STK39: variants seen among roughly 807,000 people sequenced by gnomAD.
STK39 encodes the protein serine/threonine kinase 39.
In STK39, 20 loss-of-function variants were observed where a neutral mutation model predicts 77.8. That is an observed-to-expected ratio of 0.26 (90% CI 0.18 to 0.37). The LOEUF is 0.37. STK39 is among the 10% of genes least tolerant of loss of function. STK39 has a pLI of 1.00. For synonymous variants in STK39, 246 were observed against 234.1 expected, an observed-to-expected ratio of 1.05 and a Z score of -0.47; for missense variants, 479 against 656.5, an observed-to-expected ratio of 0.73 and a Z score of 2.95.
At chr2:167,962,710 TA>T (rs1439220504) in intron 17 of STK39, among the ~76,000 whole-genome samples, 1 of 152,294 alleles carries the variant, frequency 6.6e-6, no homozygotes, top group South Asian at 2.1e-4. Flanking sequence ...AATGTAAATG[TA>T]CCCAGTCATC....
Position 168,063,527 on chromosome 2 carries a change from C to T in STK39, c.1349G>A (p.Cys450Tyr), listed in dbSNP as rs371452650. The change falls in exon 14 of 18, where the codon TGT (cysteine) becomes TAT (tyrosine). Residue 450 changes from cysteine to tyrosine, a missense_variant. Physicochemically the swap from Cys to Tyr is radical, Grantham distance 194. Transcript: ENST00000355999. ...ANEDYREASSCAVNLVLRLRN... is the reference protein window; with the variant it reads ...ANEDYREASSYAVNLVLRLRN... ...TAATCTCAAAACGAGGTTCACGGCACAAGAAGAAGCTTCTCTGTAGTCTTC... is the reference window on the plus strand; with the variant it reads ...TAATCTCAAAACGAGGTTCACGGCATAAGAAGAAGCTTCTCTGTAGTCTTC... 28 of 1,613,104 alleles carry T rather than the reference C, an allele frequency of 1.7e-5. No individual in the cohort carries two copies. In the African/African-American group the frequency reaches 3.5e-4, roughly 20 times the overall value.
intron 14 of STK39, among the ~76,000 whole-genome samples, chr2:168,045,096 T>C (rs1413570631): frequency 6.6e-6 from 1 of 152,104 alleles, no homozygotes; most frequent in East Asian, 1.9e-4. Flanking sequence ...CCCAACATTG[T>C]TCATTTGCAT....
chr2:168,187,617 T>C lies in STK39; in HGVS notation c.209-5527A>G, dbSNP rs953003835. ...TTAAATCTTAGCTAGCGTTGCTCCT[T>C]AGGGAAATCCCCCCAGGTCAACTGG... is the stretch of plus-strand genomic sequence containing the variant. On this transcript the variant is annotated intron_variant, in intron 1 of 17. Coordinates refer to ENST00000355999, the MANE Select transcript of STK39 (RefSeq NM_013233.3). 7.2e-5 allele frequency among the ~76,000 whole-genome samples: 11 copies of C among 152,328 alleles called. No homozygotes were observed. In the East Asian group the frequency reaches 2.1e-3, roughly 29 times the overall value.
At chr2:168,136,170 C>T (rs1232448343) in intron 8 of STK39, among the ~76,000 whole-genome samples, 2 of 151,656 alleles carry the variant, frequency 1.3e-5, no homozygotes, top group Non-Finnish European at 2.9e-5. Flanking sequence ...AGATCGAGAT[C>T]ATCTTGGCCA....
chr2:168,195,912 G>A (rs184044430), intron 1 of STK39, among the ~76,000 whole-genome samples: 1 of 152,268 alleles, frequency 6.6e-6, no homozygotes, highest in African/African-American at 2.4e-5. Flanking sequence ...AGCTACTCAG[G>A]AGGCTGAGGC....
chr2:168,031,755 C>T (rs1220957069), intron 14 of STK39, among the ~76,000 whole-genome samples: 2 of 152,158 alleles, frequency 1.3e-5, no homozygotes, highest in Non-Finnish European at 2.9e-5. Flanking sequence ...GCAGCTTCAT[C>T]GTAGACTTCT....
chr2:168,110,339 C>G (rs1687089013), intron 10 of STK39, among the ~76,000 whole-genome samples: 1 of 152,108 alleles, frequency 6.6e-6, no homozygotes, highest in Non-Finnish European at 1.5e-5. Context: ...CTCAAGCAAT[C>G]CTCCTTCCTC....
chr2:168,003,387 T>C (rs1684049444), intron 16 of STK39, among the ~76,000 whole-genome samples: 1 of 152,246 alleles, frequency 6.6e-6, no homozygotes, highest in African/African-American at 2.4e-5. Context: ...CAGCCTATCA[T>C]TTGTGAATAT....
At chr2:168,102,377 T>G (rs1215466521) in intron 10 of STK39, among the ~76,000 whole-genome samples, 1 of 152,148 alleles carries the variant, frequency 6.6e-6, no homozygotes. Flanking sequence ...CTGTTGTGAT[T>G]TTCATTTGCA....
intron 1 of STK39, among the ~76,000 whole-genome samples, chr2:168,235,995 G>T (rs2105270519): frequency 6.6e-6 from 1 of 152,036 alleles, no homozygotes; most frequent in East Asian, 1.9e-4. Flanking sequence ...GGGTCAAATG[G>T]TATTTCTAGT....
At chr2:168,234,636 G>T (rs1690549507) in intron 1 of STK39, among the ~76,000 whole-genome samples, 1 of 152,022 alleles carries the variant, frequency 6.6e-6, no homozygotes, top group South Asian at 2.1e-4. Flanking sequence ...TATAACCAAA[G>T]ATTAAAAACA....
Position 168,227,319 on chromosome 2 carries a change from A to T in STK39, c.208+19909T>A, listed in dbSNP as rs1383023537. Among the ~76,000 whole-genome samples, 5 of 152,334 alleles carry T rather than the reference A, an allele frequency of 3.3e-5. No individual in the cohort carries two copies. In the East Asian group the frequency reaches 5.8e-4, roughly 18 times the overall value. ...CATAAATATTATACATTTGTAACTT[A>T]AAAAACATTTAAAATAAAGACTAGT... On this transcript the variant is annotated intron_variant, in intron 1 of 17. Transcript: ENST00000355999.
chr2:168,093,923 T>G (rs1686593225), intron 10 of STK39, among the ~76,000 whole-genome samples: 1 of 152,190 alleles, frequency 6.6e-6, no homozygotes, highest in Non-Finnish European at 1.5e-5. Context: ...ATATCTTCCC[T>G]CTATTTCAAT....
chr2:168,213,935 T>C (rs933789224), intron 1 of STK39, among the ~76,000 whole-genome samples: 3 of 152,184 alleles, frequency 2.0e-5, no homozygotes, highest in African/African-American at 7.2e-5. Context: ...GTAGTTCAAT[T>C]ATGGTATATA....
chr2:168,214,018 G>A (rs994937747), intron 1 of STK39, among the ~76,000 whole-genome samples: 3 of 152,096 alleles, frequency 2.0e-5, no homozygotes, highest in African/African-American at 7.2e-5. Flanking sequence ...GAAAAAGGCA[G>A]GCTCTGAAAT....
chr2:167,999,684 G>A (rs545572275), intron 16 of STK39, among the ~76,000 whole-genome samples: 1 of 152,162 alleles, frequency 6.6e-6, no homozygotes, highest in Non-Finnish European at 1.5e-5. Context: ...GGATGGTCTC[G>A]ATTTCCTGAC....
Position 168,167,375 on chromosome 2 carries a change from A to G in STK39, c.354T>C (p.His118=), listed in dbSNP as rs56048258. 1.3e-3 allele frequency: 2,079 copies of G among 1,613,750 alleles called. 22 individuals are homozygous for G. The African/African-American group carries it at 0.025, about 19-fold the overall frequency. The change falls in exon 3 of 18, where the codon CAT becomes CAC. Residue 118 remains histidine, a synonymous_variant. Coordinates refer to ENST00000355999, the MANE Select transcript of STK39 (RefSeq NM_013233.3). ...KEIQAMSQCS[H]PNVVTYYTSF... The stretch of plus-strand genomic sequence containing the variant: ...AGGTGTAATAGGTCACTACGTTGGG[A>G]TGGCTGCACTGACTCATGGCTTGAA...
chr2:168,017,580 G>A (rs7597286), intron 14 of STK39, among the ~76,000 whole-genome samples: 8 of 151,418 alleles, frequency 5.3e-5, no homozygotes, highest in Non-Finnish European at 7.4e-5. Context: ...CCATGTTGGT[G>A]AGGCTGGTCC....
At chr2:168,222,729 T>C (rs1690206001) in intron 1 of STK39, among the ~76,000 whole-genome samples, 1 of 152,200 alleles carries the variant, frequency 6.6e-6, no homozygotes, top group Non-Finnish European at 1.5e-5. Flanking sequence ...CTAATGTTTA[T>C]TGCATGACGG....
Sources: gnomAD v4.1 joint callset for allele counts (sites outside exome capture counted in the v4.1 genomes callset) on GRCh38, gnomAD v4.1.1 for gene constraint, MANE v1.5 for transcripts, NCBI Gene and HGNC (gene_info 2026-07-23, HGNC 2026-07-21) for gene names.